CC2D2B: variants seen among roughly 807,000 people sequenced by gnomAD.
CC2D2B encodes the protein coiled-coil and C2 domain containing 2B.
A neutral mutation model predicts 161.2 loss-of-function variants in CC2D2B; 128 were observed. The ratio of observed to expected loss-of-function variants is 0.79; its 90% CI spans 0.69 to 0.92. CC2D2B has a LOEUF of 0.92. CC2D2B is among the 40% of genes least tolerant of loss of function. The probability of loss-of-function intolerance (pLI) is 0.00; values close to 1 mark genes in which losing one functional copy is unlikely to be tolerated. For missense variants in CC2D2B, 1,173 were observed against 1,375.1 expected (o/e 0.85, Z 2.32); for synonymous variants, 391 against 449.8 (o/e 0.87, Z 1.65).
At chr10:95,981,069 T>C (rs1466202863) in intron 17 of CC2D2B, among the ~76,000 whole-genome samples, 1 of 152,204 alleles carries the variant, frequency 6.6e-6, no homozygotes, top group Non-Finnish European at 1.5e-5. Flanking sequence ...ATTAGGAGTC[T>C]AGCCTATCTT....
At chr10:95,985,668 TG>T (rs2077689573) in intron 19 of CC2D2B, among the ~76,000 whole-genome samples, 1 of 152,158 alleles carries the variant, frequency 6.6e-6, no homozygotes, top group South Asian at 2.1e-4. Flanking sequence ...ATAACAGCAA[TG>T]TTCAGGGAAC....
At chr10:95,988,405 C>T in intron 20 of CC2D2B, 63 bp downstream of exon 20, 1 of 699,302 alleles carries the variant, frequency 1.4e-6, no homozygotes, top group Non-Finnish European at 2.0e-6. Flanking sequence ...CTGCTAGATC[C>T]ATGGTATTAT....
intron 11 of CC2D2B, among the ~76,000 whole-genome samples, chr10:95,957,546 G>A (rs1320184449): frequency 6.9e-6 from 1 of 144,506 alleles, no homozygotes; most frequent in Non-Finnish European, 1.5e-5. Context: ...AGAGACAGCT[G>A]ACAATGATTT....
At chr10:96,015,792 T>C (rs1245876730) in intron 29 of CC2D2B, among the ~76,000 whole-genome samples, 1 of 152,194 alleles carries the variant, frequency 6.6e-6, no homozygotes, top group Non-Finnish European at 1.5e-5. Flanking sequence ...GGACAGAATG[T>C]AGCTCCACAG....
In CC2D2B at chr10:95,989,257, G is replaced by A. The variant is rs2077851872; in HGVS notation, c.2379+915G>A. 3.3e-5 allele frequency among the ~76,000 whole-genome samples: 5 copies of A among 152,284 alleles called. No individual in the cohort carries two copies. The South Asian group carries it at 1.0e-3, about 32-fold the overall frequency. ...CACTGGCAAGTAACCAAATCACTGA[G>A]TCCCACTTTATTTTTTACAAAAACG... On this transcript the variant is annotated intron_variant, in intron 20 of 34. Transcript: ENST00000646931.
chr10:95,937,989 A>G lies in CC2D2B; in HGVS notation c.337-2A>G, dbSNP rs771167901. 73 of 1,529,280 alleles carry G rather than the reference A, an allele frequency of 4.8e-5. No homozygotes were observed. Among genetic ancestry groups the G allele is most frequent in the Admixed American group, 2.0e-5 (1 of 50,574 alleles). 94.7% of individuals were successfully genotyped at this position (1,529,280 alleles called of 1,614,324 possible). A position where few individuals can be genotyped will look rare whatever the true frequency, so the allele number is the denominator to read the frequency against. ...CTTATTTTCCTTTTTGGTATTCAAC[A>G]GAGACCAGTAAACCGTAGTTATCCC... On this transcript the variant is annotated splice_acceptor_variant, in intron 6 of 34. Coordinates refer to ENST00000646931, the MANE Select transcript of CC2D2B (RefSeq NM_001349008.3). LOFTEE classifies it high-confidence loss of function.
At chr10:96,029,952 A>G (rs940273101) in intron 34 of CC2D2B, among the ~76,000 whole-genome samples, 1 of 151,948 alleles carries the variant, frequency 6.6e-6, no homozygotes, top group African/African-American at 2.4e-5. Context: ...CTGGGGCTAC[A>G]GGTACTTGCC....
chr10:95,947,333 G>A (rs1477659905), intron 9 of CC2D2B, among the ~76,000 whole-genome samples: 1 of 150,716 alleles, frequency 6.6e-6, no homozygotes, highest in African/African-American at 2.4e-5. Flanking sequence ...GGCTGGTCTC[G>A]AACTCTTGAC....
At position 96,013,797 on chromosome 10, in the gene CC2D2B, G is replaced by T. The variant is rs146912146; in HGVS notation, c.3436G>T (p.Ala1146Ser). ...GTGAATATTATTCTAGGACCTCATT[G>T]CTCGATTTGTATCTTTGATTCCTTT... is the stretch of plus-strand genomic sequence containing the variant. Reference protein sequence around the residue: ...HNSNATFDLIARFVSLIPFVP... With the variant: ...HNSNATFDLISRFVSLIPFVP... The change falls in exon 29 of 35, where the codon GCT becomes TCT. Residue 1146 changes from alanine (A) to serine (S), a missense_variant. Ala to Ser is a moderately conservative substitution (Grantham distance 99). Around this residue, in one of 3 missense-constraint regions of CC2D2B, gnomAD observed 598 missense variants for 693.2 expected, o/e 0.86. Transcript: ENST00000646931. 26 of 1,598,502 alleles carry T rather than the reference G, an allele frequency of 1.6e-5. No individual in the cohort carries two copies. The highest frequency in any genetic ancestry group is 1.0e-5 in the Non-Finnish European group (12 of 1,170,078).
intron 24 of CC2D2B, among the ~76,000 whole-genome samples, chr10:96,003,504 C>T (rs536942145): frequency 4.0e-5 from 6 of 151,764 alleles, no homozygotes; most frequent in African/African-American, 7.3e-5. Flanking sequence ...CTGCAACCTC[C>T]GCCTCCCGGG....
At chr10:95,925,816 A>C (rs1367316677) in intron 5 of CC2D2B, among the ~76,000 whole-genome samples, 1 of 152,172 alleles carries the variant, frequency 6.6e-6, no homozygotes, top group Non-Finnish European at 1.5e-5. Context: ...TGGGGAAGAA[A>C]GAACCAAAGG....
chr10:95,939,672 T>C (rs1420282691), intron 9 of CC2D2B, among the ~76,000 whole-genome samples: 1 of 152,234 alleles, frequency 6.6e-6, no homozygotes, highest in Non-Finnish European at 1.5e-5. Flanking sequence ...TTTTAAATCA[T>C]AGCCATTCTG....
chr10:95,937,044 G>T (rs529314109), intron 6 of CC2D2B, among the ~76,000 whole-genome samples: 1 of 152,084 alleles, frequency 6.6e-6, no homozygotes, highest in Non-Finnish European at 1.5e-5. Context: ...GAAGATTTCT[G>T]GATATAAAAT....
chr10:95,962,690 A>C (rs2076802294), intron 12 of CC2D2B, among the ~76,000 whole-genome samples: 1 of 151,598 alleles, frequency 6.6e-6, no homozygotes, highest in Non-Finnish European at 1.5e-5. Context: ...TTTCAAAAGT[A>C]TGAAAGGTTA....
chr10:95,995,238 G>C, intron 22 of CC2D2B, 31 bp from the exon 23 acceptor site: 1 of 1,247,214 alleles, frequency 8.0e-7, no homozygotes, highest in South Asian at 1.4e-5. Flanking sequence ...AACTAATTAA[G>C]GTGTATGTCT....
intron 1 of CC2D2B, among the ~76,000 whole-genome samples, chr10:95,910,085 G>A (rs1372401691): frequency 6.6e-6 from 1 of 152,200 alleles, no homozygotes; most frequent in Non-Finnish European, 1.5e-5. Context: ...GAGCCCAGGA[G>A]TTCAAGGCTG....
intron 2 of CC2D2B, among the ~76,000 whole-genome samples, chr10:95,914,996 G>C (rs1371265869): frequency 6.6e-6 from 1 of 152,138 alleles, no homozygotes; most frequent in Admixed American, 6.5e-5. Context: ...TACGTAGATT[G>C]CTTTGAATAG....
intron 20 of CC2D2B, among the ~76,000 whole-genome samples, chr10:95,991,155 G>A (rs536864033): frequency 2.6e-5 from 4 of 152,276 alleles, no homozygotes; most frequent in African/African-American, 9.6e-5. Context: ...ACAAAAAAAA[G>A]TGGAAATAAA....
intron 3 of CC2D2B, among the ~76,000 whole-genome samples, chr10:95,922,860 T>C (rs1371033773): frequency 1.3e-5 from 2 of 152,024 alleles, no homozygotes; most frequent in Admixed American, 6.5e-5. Context: ...AGTGAAGTAG[T>C]GCGATCATAG....
Sources: allele counts gnomAD v4.1 joint callset (sites outside exome capture counted in the v4.1 genomes callset), GRCh38; gene constraint gnomAD v4.1.1; regional missense constraint gnomAD v4.1.1; transcripts MANE v1.5; gene names NCBI Gene and HGNC (gene_info 2026-07-23, HGNC 2026-07-21).